MBP: variants seen among roughly 807,000 people sequenced by gnomAD.
The protein encoded by MBP is Golli-MBP.
Under a neutral mutation model 35.8 loss-of-function variants are expected in MBP, and 16 were observed. The ratio of observed to expected loss-of-function variants is 0.45; its 90% CI spans 0.30 to 0.68. MBP has a LOEUF of 0.68. MBP is among the 30% of genes least tolerant of loss of function. MBP has a pLI of 0.08. For missense variants in MBP, 380 were observed against 404.7 expected (o/e 0.94, Z 0.52); for synonymous variants, 143 against 159.6 (o/e 0.90, Z 0.78).
intron 2 of MBP, among the ~76,000 whole-genome samples, chr18:77,080,679 T>G (rs1167879122): frequency 1.3e-5 from 2 of 150,984 alleles, no homozygotes; most frequent in Non-Finnish European, 3.0e-5. Context: ...CTTTTTATAT[T>G]TTATTTATTA....
intron 4 of MBP, chr18:77,004,922 G>A (rs901780630): frequency 1.3e-5 from 2 of 152,262 alleles, no homozygotes; most frequent in Non-Finnish European, 2.9e-5. Context: ...ATGGGGAAGT[G>A]AAGCTCCCGT....
chr18:77,009,369 G>C (rs961992308), intron 4 of MBP, among the ~76,000 whole-genome samples: 1 of 152,254 alleles, frequency 6.6e-6, no homozygotes, highest in Non-Finnish European at 1.5e-5. Context: ...GAGACCAGAC[G>C]TCCCAAGGAC....
chr18:76,986,174 C>A (rs957791207), intron 7 of MBP: 2 of 985,550 alleles, frequency 2.0e-6, no homozygotes, highest in Non-Finnish European at 2.4e-6. Context: ...TCTTGGTTGG[C>A]CTCCTGAGTC....
chr18:76,988,428 CA>C lies in MBP; in HGVS notation c.750+66del. ...GAAGCAACCGAAACAGAGCAGAACA[CA>C]AAAGTTGCGGGGCTGTGAGGACTGG... is the stretch of plus-strand genomic sequence containing the variant. On this transcript the variant is annotated intron_variant, in intron 7 of 8. Transcript: ENST00000355994. The surrounding 1 kb of genome is among the most constrained non-coding windows in gnomAD (Gnocchi z 5.2). The C allele has an allele frequency of 6.2e-7, 1 of 1,614,154 alleles. No individual in the cohort carries two copies. The highest frequency in any genetic ancestry group is 2.2e-5 in the East Asian group (1 of 44,878).
Position 76,988,276 on chromosome 18 carries a change from C to T in MBP, c.750+219G>A, listed in dbSNP as rs551969200. 106 of 1,551,220 alleles carry T rather than the reference C, an allele frequency of 6.8e-5. No individual in the cohort carries two copies. The highest frequency in any genetic ancestry group is 1.8e-4 in the Admixed American group (9 of 51,026). ...ATCTGGCCTTGCAGGGCTGGGTCCC[C>T]GGCACAGAAGCAAGAGACCAGACCT... On this transcript the variant is annotated intron_variant, in intron 7 of 8. Transcript: ENST00000355994. This position sits in a 1 kb window ranked among gnomAD's most constrained non-coding sequence, Gnocchi z 5.2.
intron 3 of MBP, among the ~76,000 whole-genome samples, chr18:77,053,614 T>TAC (rs1973601853): frequency 6.6e-6 from 1 of 152,260 alleles, no homozygotes; most frequent in African/African-American, 2.4e-5. Context: ...CATCACTTGC[T>TAC]GAGCTGTAGC....
intron 3 of MBP, among the ~76,000 whole-genome samples, chr18:77,051,221 C>T (rs1421889222): frequency 6.6e-6 from 1 of 152,074 alleles, no homozygotes; most frequent in Non-Finnish European, 1.5e-5. Flanking sequence ...AAAAATGGCC[C>T]AGATACAAAA....
At chr18:77,042,281 G>GGTCTCCCCGGGGGACCTGACTCTCA (rs374772118) in intron 3 of MBP, among the ~76,000 whole-genome samples, 3 of 152,016 alleles carry the variant, frequency 2.0e-5, no homozygotes, top group African/African-American at 4.8e-5. Flanking sequence ...CCTCCTGTTC[G>GGTCTCCCCGGGGGACCTGACTCTCA]GTCTCCCCGG....
rs761219065 is a variant in MBP at position 76,984,826 on chromosome 18, C to G, written c.819G>C (p.Lys273Asn). 1 of 1,614,124 alleles carries G rather than the reference C, an allele frequency of 6.2e-7. No individual in the cohort carries two copies. Among genetic ancestry groups the G allele is most frequent in the South Asian group, 1.1e-5 (1 of 91,082 alleles). The change falls in exon 8 of 9, where the codon AAG becomes AAC. Residue 273 changes from lysine to asparagine, a missense_variant. Physicochemically the swap from Lys to Asn is moderately conservative, Grantham distance 94. Transcript: ENST00000355994. ...CCTGGGCATCGACTCCCTTGAATCC[C>G]TTGTGAGCCGATTTATAGTCGGACG... is the stretch of plus-strand genomic sequence containing the variant. Reference protein sequence around the residue: ...GRASDYKSAHKGFKGVDAQGT... With the variant: ...GRASDYKSAHNGFKGVDAQGT...
At chr18:77,010,091 A>T (rs755563968) in intron 4 of MBP, 2 of 615,432 alleles carry the variant, frequency 3.2e-6, no homozygotes, top group Non-Finnish European at 5.9e-6. Flanking sequence ...AGAAGAAGGC[A>T]TGTGCAGATG....
chr18:77,066,450 T>A, intron 2 of MBP, 65 bp from the exon 3 acceptor site: 2 of 1,001,246 alleles, frequency 2.0e-6, no homozygotes, highest in Non-Finnish European at 3.2e-6. Context: ...AAAATAATTG[T>A]AATGCATTTG....
At chr18:77,000,398 TC>T (rs1795062639) in intron 4 of MBP, among the ~76,000 whole-genome samples, 1 of 152,186 alleles carries the variant, frequency 6.6e-6, no homozygotes, top group African/African-American at 2.4e-5. Flanking sequence ...TGGGGCCTCT[TC>T]CTATCAGTAG....
chr18:77,072,119 G>A (rs550870284), intron 2 of MBP, among the ~76,000 whole-genome samples: 123 of 152,198 alleles, frequency 8.1e-4, no homozygotes, highest in Non-Finnish European at 1.4e-3. Flanking sequence ...CTTGGCCTTT[G>A]AAGGCTCAGG....
intron 4 of MBP, among the ~76,000 whole-genome samples, chr18:76,991,205 CA>C (rs3842671): frequency 0.21 from 32,495 of 152,040 alleles, 3,553 homozygotes; most frequent in East Asian, 0.36. Context: ...ATCACTTCCA[CA>C]TCTCGAGTAA....
At chr18:76,993,563 A>C (rs796534017) in intron 4 of MBP, among the ~76,000 whole-genome samples, 2,161 of 149,470 alleles carry the variant, frequency 0.014, 47 homozygotes, top group African/African-American at 0.048. Context: ...AAAAAAAAAA[A>C]AAAAACAAAA....
Position 76,989,199 on chromosome 18 carries a change from G to A in MBP, c.682-287C>T. 3.3e-6 allele frequency: 2 copies of A among 605,876 alleles called. No individual in the cohort carries two copies. The highest frequency in any genetic ancestry group is 1.7e-5 in the South Asian group (1 of 59,492). 37.5% of individuals were successfully genotyped at this position (605,876 alleles called of 1,614,324 possible). ...GAATGGGCCCATCTTGGGACACTGA[G>A]GGAGGCGGCGGACTTTGCTTCACCG... On this transcript the variant is annotated intron_variant, in intron 5 of 8. Coordinates refer to ENST00000355994, the MANE Select transcript of MBP (RefSeq NM_001025101.2). The surrounding 1 kb of genome is among the most constrained non-coding windows in gnomAD (Gnocchi z 4.0).
At chr18:77,072,885 G>C (rs771501579) in intron 2 of MBP, among the ~76,000 whole-genome samples, 2 of 152,210 alleles carry the variant, frequency 1.3e-5, no homozygotes, top group Non-Finnish European at 2.9e-5. Flanking sequence ...TTCTCTGGAG[G>C]AAAGCTCACT....
chr18:77,054,973 G>A (rs935301806), intron 3 of MBP, among the ~76,000 whole-genome samples: 2 of 152,198 alleles, frequency 1.3e-5, no homozygotes, highest in African/African-American at 2.4e-5. Context: ...TTGCATGCAC[G>A]CACACATTTA....
At chr18:77,122,560 T>C (rs1339885062) in intron 1 of MBP, among the ~76,000 whole-genome samples, 5 of 152,248 alleles carry the variant, frequency 3.3e-5, no homozygotes, top group Non-Finnish European at 4.4e-5. Flanking sequence ...AAATTTTTTA[T>C]GAGACAGAAT....
Sources: gnomAD v4.1 joint callset for allele counts (sites outside exome capture counted in the v4.1 genomes callset) on GRCh38, gnomAD v4.1.1 for gene constraint, Gnocchi (gnomAD v3.1) non-coding constraint, MANE v1.5 for transcripts, NCBI Gene and HGNC (gene_info 2026-07-23, HGNC 2026-07-21) for gene names.